ADAMTSL1: variants seen among roughly 807,000 people sequenced by gnomAD.
ADAMTSL1 encodes ADAMTS like 1.
Under a neutral mutation model 201.8 loss-of-function variants are expected in ADAMTSL1, and 126 were observed. That is an observed-to-expected ratio of 0.62 (90% CI 0.54 to 0.72). The LOEUF is 0.72. Among genes scored for constraint, ADAMTSL1 ranks in the 30% least tolerant of loss-of-function variants. ADAMTSL1 has a pLI of 0.00. For synonymous variants in ADAMTSL1, 1,121 were observed against 903.4 expected (o/e 1.24, Z -4.32); for missense variants, 2,679 against 2,277.8 (o/e 1.18, Z -3.59).
chr9:18,609,777 T>C (rs572089293), intron 4 of ADAMTSL1, among the ~76,000 whole-genome samples: 1 of 152,350 alleles, frequency 6.6e-6, no homozygotes, highest in South Asian at 2.1e-4. Context: ...ATAGAAGATT[T>C]GAAAATAGAG....
intron 2 of ADAMTSL1, among the ~76,000 whole-genome samples, chr9:18,235,949 G>A (rs1199593133): frequency 6.6e-6 from 1 of 152,210 alleles, no homozygotes; most frequent in Non-Finnish European, 1.5e-5. Flanking sequence ...CTAAGAAAAA[G>A]TAAATTCATG....
Position 18,143,306 on chromosome 9 carries a change from T to C in ADAMTSL1, c.88-20556T>C, listed in dbSNP as rs567875534. Among the ~76,000 whole-genome samples, 6 of 152,270 alleles carry C rather than the reference T, an allele frequency of 3.9e-5. No individual in the cohort carries two copies. The East Asian group carries it at 1.2e-3, about 29-fold the overall frequency. Reference sequence around the variant, plus strand: ...TTCTCCTTCATTTAGCAATTACACATGGGCTCTGGTCAATTGGTTCTAATT... The same window carrying C: ...TTCTCCTTCATTTAGCAATTACACACGGGCTCTGGTCAATTGGTTCTAATT... On this transcript the variant is annotated intron_variant, in intron 1 of 29. Coordinates refer to the ADAMTSL1 transcript ENST00000680146.
chr9:18,620,068 A>G (rs575958902), intron 4 of ADAMTSL1, among the ~76,000 whole-genome samples: 2 of 135,142 alleles, frequency 1.5e-5, no homozygotes, highest in South Asian at 4.6e-4. Flanking sequence ...TTCCTCTCCA[A>G]TTAGTTAGTA....
At position 18,535,002 on chromosome 9, in the gene ADAMTSL1, C is replaced by T. The variant is rs1321011786; in HGVS notation, c.237+1710C>T. ...TCTGACATGATCTGGAGACATTTTC[C>T]CCATCGTCTTGGTGATTAACATTCA... is the stretch of plus-strand genomic sequence containing the variant. On this transcript the variant is annotated intron_variant, in intron 3 of 28. Transcript: ENST00000380548. Among the ~76,000 whole-genome samples, 6 of 152,162 alleles carry T rather than the reference C, an allele frequency of 3.9e-5. No homozygotes were observed. In the East Asian group the frequency reaches 1.2e-3, roughly 29 times the overall value.
intron 19 of ADAMTSL1, among the ~76,000 whole-genome samples, chr9:18,791,781 T>C (rs1192965734): frequency 6.6e-6 from 1 of 152,234 alleles, no homozygotes; most frequent in Non-Finnish European, 1.5e-5. Flanking sequence ...TAATAGACTA[T>C]ACAAACGCTA....
At chr9:18,124,077 GT>G (rs1157492042) in intron 1 of ADAMTSL1, among the ~76,000 whole-genome samples, 5,651 of 70,810 alleles carry the variant, frequency 0.08, 87 homozygotes, top group African/African-American at 0.19. Context: ...TTATTTGCCA[GT>G]TTTTTTTTTT....
At chr9:17,982,874 T>G (rs1408736249) in intron 1 of ADAMTSL1, among the ~76,000 whole-genome samples, 4 of 151,968 alleles carry the variant, frequency 2.6e-5, no homozygotes, top group Non-Finnish European at 5.9e-5. Flanking sequence ...AGTTCTCACT[T>G]GGGATGTTAT....
At chr9:18,449,873 C>T (rs1820338464) in intron 2 of ADAMTSL1, among the ~76,000 whole-genome samples, 1 of 152,140 alleles carries the variant, frequency 6.6e-6, no homozygotes, top group South Asian at 2.1e-4. Context: ...TAAAAACTGG[C>T]AGTAGTAAGT....
chr9:18,661,251 T>C (rs1829072930), intron 8 of ADAMTSL1, among the ~76,000 whole-genome samples: 1 of 152,158 alleles, frequency 6.6e-6, no homozygotes, highest in Non-Finnish European at 1.5e-5. Flanking sequence ...CTAAGAAATA[T>C]TCGCTAGAGA....
chr9:18,686,524 A>G (rs534912792), intron 13 of ADAMTSL1, among the ~76,000 whole-genome samples: 2 of 152,194 alleles, frequency 1.3e-5, no homozygotes, highest in Non-Finnish European at 2.9e-5. Context: ...GTAAGGTCCT[A>G]TTTAAGACAC....
intron 1 of ADAMTSL1, among the ~76,000 whole-genome samples, chr9:18,158,881 G>C (rs1195586905): frequency 6.6e-6 from 1 of 151,870 alleles, no homozygotes. Context: ...ATGGGTGGCA[G>C]GACTAGATTT....
At chr9:17,981,351 A>G (rs145670375) in intron 1 of ADAMTSL1, among the ~76,000 whole-genome samples, 1 of 152,296 alleles carries the variant, frequency 6.6e-6, no homozygotes, top group African/African-American at 2.4e-5. Flanking sequence ...ATGATTCCCT[A>G]TTCCCTGGAA....
chr9:18,009,975 C>T (rs1180953986), intron 1 of ADAMTSL1, among the ~76,000 whole-genome samples: 1 of 151,984 alleles, frequency 6.6e-6, no homozygotes, highest in Non-Finnish European at 1.5e-5. Flanking sequence ...ACTTCATGAA[C>T]TTCAGAAGAA....
intron 3 of ADAMTSL1, among the ~76,000 whole-genome samples, chr9:18,567,184 G>C (rs1821959802): frequency 6.6e-6 from 1 of 152,162 alleles, no homozygotes; most frequent in African/African-American, 2.4e-5. Flanking sequence ...TTTTGACTAG[G>C]CTGGGCAAGG....
At chr9:18,445,106 A>C (rs1389525739) in intron 2 of ADAMTSL1, among the ~76,000 whole-genome samples, 22 of 152,110 alleles carry the variant, frequency 1.4e-4, no homozygotes, top group Admixed American at 1.2e-3. Flanking sequence ...AGTACAATAA[A>C]TGTACACATT....
intron 7 of ADAMTSL1, among the ~76,000 whole-genome samples, chr9:18,644,283 A>T: frequency 1.3e-5 from 2 of 152,096 alleles, no homozygotes; most frequent in East Asian, 3.9e-4. Context: ...TGGATGCATT[A>T]TATATTAATT....
At chr9:18,257,976 G>A (rs1236693796) in intron 2 of ADAMTSL1, among the ~76,000 whole-genome samples, 1 of 152,210 alleles carries the variant, frequency 6.6e-6, no homozygotes, top group Non-Finnish European at 1.5e-5. Context: ...GGAAAAAGGA[G>A]TTATTGTTTC....
chr9:18,622,670 T>C, intron 5 of ADAMTSL1: 1 of 528,998 alleles, frequency 1.9e-6, no homozygotes, highest in Non-Finnish European at 3.3e-6. Flanking sequence ...GGACAGACTG[T>C]ATCCCAGCTC....
intron 9 of ADAMTSL1, among the ~76,000 whole-genome samples, chr9:18,668,530 G>A (rs992205741): frequency 6.6e-6 from 1 of 152,062 alleles, no homozygotes; most frequent in Non-Finnish European, 1.5e-5. Context: ...AATAGAGTAG[G>A]TATTATTTCC....
Sources: gnomAD v4.1 joint callset for allele counts (sites outside exome capture counted in the v4.1 genomes callset) on GRCh38, gnomAD v4.1.1 for gene constraint, MANE v1.5 for transcripts, NCBI Gene and HGNC (gene_info 2026-07-23, HGNC 2026-07-21) for gene names.